Variants in KIAA1549 observed in about 807,000 individuals in gnomAD.
KIAA1549 encodes UPF0606 protein KIAA1549.
In KIAA1549, 70 loss-of-function variants were observed where a neutral mutation model predicts 156.4. That is an observed-to-expected ratio of 0.45 (90% confidence interval 0.37 to 0.55). The LOEUF (loss-of-function observed/expected upper bound fraction) is 0.55, where lower values mean the gene tolerates loss of function less well. KIAA1549 is among the 20% of genes least tolerant of loss of function. The pLI, the probability that KIAA1549 is intolerant of heterozygous loss-of-function variation, is 0.00. For synonymous variants in KIAA1549, 1,103 were observed against 1,066.4 expected (o/e 1.03, Z -0.67); for missense variants, 2,428 against 2,540.9 (o/e 0.96, Z 0.96).
intron 1 of KIAA1549, among the ~76,000 whole-genome samples, chr7:138,967,415 T>C (rs556101004): frequency 2.0e-5 from 3 of 152,326 alleles, no homozygotes; most frequent in Non-Finnish European, 4.4e-5. Flanking sequence ...GTGTTGATCA[T>C]ATCTGAGATG....
rs552088190 is a variant in KIAA1549 at position 138,906,288 on chromosome 7, G to GT, written c.3460+630_3460+631insA. Among the ~76,000 whole-genome samples the GT allele has an allele frequency of 7.9e-5, 12 of 152,290 alleles. No individual in the cohort carries two copies. In the East Asian group the frequency reaches 2.3e-3, roughly 29 times the overall value. On this transcript the variant is annotated intron_variant, in intron 6 of 19. Transcript: ENST00000422774. ...ATTTGTTCAAACCCACAGAATGCAC[G>GT]ACACCCAGGGTGAACCTTAATGTAA...
chr7:138,915,849 G>A (rs1019711719), intron 2 of KIAA1549, among the ~76,000 whole-genome samples: 1 of 152,228 alleles, frequency 6.6e-6, no homozygotes, highest in African/African-American at 2.4e-5. Flanking sequence ...CATGTCTCAT[G>A]AGGAAAAATG....
intron 18 of KIAA1549, among the ~76,000 whole-genome samples, chr7:138,842,735 T>C (rs1809960823): frequency 6.6e-6 from 1 of 151,394 alleles, no homozygotes; most frequent in South Asian, 2.1e-4. Context: ...ATTTCAAGGA[T>C]TAAAAGACAT....
intron 1 of KIAA1549, among the ~76,000 whole-genome samples, chr7:138,971,486 C>A (rs1033747025): frequency 1.3e-5 from 2 of 152,148 alleles, no homozygotes; most frequent in Admixed American, 1.3e-4. Flanking sequence ...TCCAACCCCA[C>A]CCCAGACTGG....
At chr7:138,869,868 G>C in intron 13 of KIAA1549, 107 bp from the exon 14 acceptor site, 1 of 830,594 alleles carries the variant, frequency 1.2e-6, no homozygotes, top group Non-Finnish European at 1.8e-6. Flanking sequence ...TTATTTATTT[G>C]AGACAGAGTC....
chr7:138,953,613 A>G (rs563147980), intron 1 of KIAA1549, among the ~76,000 whole-genome samples: 80 of 152,304 alleles, frequency 5.3e-4, no homozygotes, highest in African/African-American at 1.9e-3. Context: ...GAAAGAATAC[A>G]TACTACAAGT....
chr7:138,918,671 C>T lies in KIAA1549; in HGVS notation c.955G>A (p.Ala319Thr). The T allele has an allele frequency of 6.2e-7, 1 of 1,613,846 alleles. No homozygotes were observed. The change falls in exon 2 of 20, where the codon GCA (alanine) becomes ACA (threonine). Residue 319 changes from alanine (A) to threonine (T), a missense_variant. Around this residue, in one of 5 missense-constraint regions of KIAA1549, gnomAD observed 893 missense variants for 847.9 expected, o/e 1.05. Transcript: ENST00000422774. This position sits in a 1 kb window ranked among gnomAD's most constrained non-coding sequence, Gnocchi z 4.2. Reference sequence around the variant, plus strand: ...GTGGTCACATCAGTGTATCTGTCTGCACTTGTGGCCCAAACCTCCTCTGGA... The same window carrying T: ...GTGGTCACATCAGTGTATCTGTCTGTACTTGTGGCCCAAACCTCCTCTGGA... Reference protein sequence around the residue: ...QPPEEVWATSADRYTDVTTVL... With the variant: ...QPPEEVWATSTDRYTDVTTVL...
At position 138,868,065 on chromosome 7, in the gene KIAA1549, G is replaced by A. The variant is rs558880858; in HGVS notation, c.4839C>T (p.Asp1613=). The A allele has an allele frequency of 3.7e-5, 60 of 1,613,864 alleles. No homozygotes were observed. The highest frequency in any genetic ancestry group is 8.3e-5 in the Admixed American group (5 of 60,004). The change falls in exon 15 of 20, where the codon GAC becomes GAT. Residue 1613 remains aspartate, a synonymous_variant. Coordinates refer to ENST00000422774, the MANE Select transcript of KIAA1549 (RefSeq NM_001164665.2). ...RKHQVNGCPA[D]AEKDRLITTD... is the part of the protein sequence containing the mutation. The stretch of plus-strand genomic sequence containing the variant: ...TGGTGATGAGCCGGTCCTTCTCAGC[G>A]TCGGCAGGACAGCCGTTGACCTGGT...
rs189846020 is a variant in KIAA1549 at position 138,956,407 on chromosome 7, C to A, written c.187+24676G>T. On this transcript the variant is annotated intron_variant, in intron 1 of 19. Coordinates refer to ENST00000422774, the MANE Select transcript of KIAA1549 (RefSeq NM_001164665.2). ...ACTGAATTCACCAAGTGATATGGTTCGGCTGTGTCCCACCCAAATCTCATC... is the reference window on the plus strand; with the variant it reads ...ACTGAATTCACCAAGTGATATGGTTAGGCTGTGTCCCACCCAAATCTCATC... Among the ~76,000 whole-genome samples the A allele has an allele frequency of 2.4e-3, 358 of 152,274 alleles. 5 individuals carry two copies. The highest frequency in any genetic ancestry group is 3.8e-3 in the Non-Finnish European group (258 of 68,028).
chr7:138,891,254 C>T (rs1408854816), intron 10 of KIAA1549, among the ~76,000 whole-genome samples: 1 of 152,250 alleles, frequency 6.6e-6, no homozygotes, highest in African/African-American at 2.4e-5. Flanking sequence ...GTGCCTGAGG[C>T]AGCTCCAGCC....
Position 138,911,239 on chromosome 7 carries a change from T to C in KIAA1549, c.3052A>G (p.Ile1018Val), listed in dbSNP as rs185695096. ...YTAISVINVL[I>V]NSKLVRDQTP... ...TGGTCACGGACAAGCTTACTGTTTATAAGCACATTTATGACGGATATTGCC... is the reference window on the plus strand; with the variant it reads ...TGGTCACGGACAAGCTTACTGTTTACAAGCACATTTATGACGGATATTGCC... Residue 1018 changes from isoleucine (I) to valine (V), a missense_variant, in exon 4 of 20, where the codon ATA (isoleucine) becomes GTA (valine). By Grantham distance (29) the Ile-to-Val change is conservative (BLOSUM62 3). Coordinates refer to ENST00000422774, the MANE Select transcript of KIAA1549 (RefSeq NM_001164665.2). 17 of 1,603,164 alleles carry C rather than the reference T, an allele frequency of 1.1e-5. No homozygotes were observed. The Admixed American group carries it at 2.7e-4, about 26-fold the overall frequency.
At chr7:138,876,314 T>C (rs746011424) in intron 12 of KIAA1549, 1 of 152,262 alleles carries the variant, frequency 6.6e-6, no homozygotes, top group Non-Finnish European at 1.5e-5. Context: ...TTGTTATATG[T>C]ACTCAATCTC....
At chr7:138,838,801 G>C (rs1431561289) in intron 19 of KIAA1549, among the ~76,000 whole-genome samples, 2 of 152,108 alleles carry the variant, frequency 1.3e-5, no homozygotes, top group Admixed American at 6.5e-5. Context: ...TCCAGCTCTA[G>C]GTTCTTTCTA....
intron 17 of KIAA1549, among the ~76,000 whole-genome samples, chr7:138,849,846 A>C (rs1196378850): frequency 6.6e-6 from 1 of 152,208 alleles, no homozygotes; most frequent in African/African-American, 2.4e-5. Flanking sequence ...TAGTTTGCTA[A>C]GGATAACGGC....
chr7:138,938,407 A>C (rs1813080791), intron 1 of KIAA1549, among the ~76,000 whole-genome samples: 1 of 151,898 alleles, frequency 6.6e-6, no homozygotes, highest in South Asian at 2.1e-4. Context: ...TCCTTACTTA[A>C]TTTATTTCCA....
intron 1 of KIAA1549, among the ~76,000 whole-genome samples, chr7:138,977,217 T>C (rs1814405358): frequency 1.3e-5 from 2 of 152,240 alleles, no homozygotes; most frequent in South Asian, 2.1e-4. Context: ...ACGCAACATA[T>C]AGAAGGAAAA....
At chr7:138,934,915 C>G (rs549920489) in intron 1 of KIAA1549, among the ~76,000 whole-genome samples, 1 of 152,222 alleles carries the variant, frequency 6.6e-6, no homozygotes, top group Non-Finnish European at 1.5e-5. Context: ...CTCTTCAGCA[C>G]TGGCAAAATA....
rs577717037 is a variant in KIAA1549, at chr7:138,831,533, C to T, written c.*6373G>A. The T allele has an allele frequency of 4.5e-6, 1 of 221,942 alleles. No homozygotes were observed. Among genetic ancestry groups the T allele is most frequent in the East Asian group, 6.6e-5 (1 of 15,150 alleles). 13.7% of individuals were successfully genotyped at this position (221,942 alleles called of 1,614,324 possible). Reference sequence around the variant, plus strand: ...CAGTGCAGCTATTGAAGGATAGAAACATAAAACCGACAAATAGAAGGGAGG... The same window carrying T: ...CAGTGCAGCTATTGAAGGATAGAAATATAAAACCGACAAATAGAAGGGAGG... On this transcript the variant is annotated 3_prime_UTR_variant, in exon 20 of 20. Transcript: ENST00000422774.
chr7:138,908,834 T>C (rs1422268477), intron 5 of KIAA1549, among the ~76,000 whole-genome samples, 157 bp downstream of exon 5: 3 of 152,220 alleles, frequency 2.0e-5, no homozygotes, highest in Admixed American at 6.5e-5. Flanking sequence ...GTGCACGCTA[T>C]GCCGACCTTA....
Sources: allele counts gnomAD v4.1 joint callset (sites outside exome capture counted in the v4.1 genomes callset), GRCh38; gene constraint gnomAD v4.1.1; regional missense constraint gnomAD v4.1.1; non-coding constraint Gnocchi (gnomAD v3.1); transcripts MANE v1.5; gene names NCBI Gene and HGNC (gene_info 2026-07-23, HGNC 2026-07-21).